The following ZFAT variants were observed in gnomAD, a reference collection of about 807,000 sequenced individuals.
ZFAT encodes zinc finger and AT-hook domain containing, also known as zinc finger protein ZFAT.
A neutral mutation model predicts 117.7 loss-of-function variants in ZFAT; 64 were observed. The ratio of observed to expected loss-of-function variants is 0.54; its 90% CI spans 0.44 to 0.67. ZFAT has a LOEUF of 0.67. Ranked by LOEUF, ZFAT falls within the 30% of genes least tolerant of loss-of-function variation. ZFAT has a pLI of 0.00. For synonymous variants in ZFAT, 679 were observed against 615.0 expected, an observed-to-expected ratio of 1.10 and a Z score of -1.54; for missense variants, 1,433 against 1,584.5, an observed-to-expected ratio of 0.90 and a Z score of 1.62.
At chr8:134,524,931 T>C (rs11989849) in intron 12 of ZFAT, among the ~76,000 whole-genome samples, 24,864 of 152,208 alleles carry the variant, frequency 0.16, 2,266 homozygotes, top group Admixed American at 0.29. Flanking sequence ...CATCAAGTCA[T>C]GGTTTCTTCA....
intron 3 of ZFAT, among the ~76,000 whole-genome samples, chr8:134,621,034 T>C (rs773330725): frequency 6.6e-6 from 1 of 152,032 alleles, no homozygotes; most frequent in South Asian, 2.1e-4. Context: ...TTTCATTGTA[T>C]TGAATGTTTA....
At chr8:134,778,550 T>C in the ZFAT span, among the ~76,000 whole-genome samples, 2 of 152,214 alleles carry the variant, frequency 1.3e-5, no homozygotes, top group South Asian at 4.1e-4. Context: ...TTACCAACCA[T>C]GGCCTGGCCC....
At chr8:134,565,145 C>G in intron 11 of ZFAT, 188 bp downstream of exon 11, 1 of 1,527,620 alleles carries the variant, frequency 6.5e-7, no homozygotes, top group Non-Finnish European at 8.8e-7. Flanking sequence ...CAGAGCAATG[C>G]TACGCTTCTG....
chr8:134,819,602 C>T, the ZFAT span, among the ~76,000 whole-genome samples: 7 of 147,866 alleles, frequency 4.7e-5, no homozygotes, highest in African/African-American at 1.7e-4. Flanking sequence ...TAATTAACTA[C>T]ACCTTCTCTG....
chr8:134,532,575 T>C (rs1450883602), intron 12 of ZFAT, among the ~76,000 whole-genome samples: 1 of 151,914 alleles, frequency 6.6e-6, no homozygotes. Flanking sequence ...TTGTGGAGGG[T>C]AGTAGAATTT....
chr8:134,670,002 A>G (rs188689800), intron 1 of ZFAT, among the ~76,000 whole-genome samples: 1 of 152,376 alleles, frequency 6.6e-6, no homozygotes, highest in East Asian at 1.9e-4. Flanking sequence ...AAAGAGACAA[A>G]GAAGGCCAGT....
chr8:134,817,275 T>C, the ZFAT span, among the ~76,000 whole-genome samples: 10 of 152,042 alleles, frequency 6.6e-5, no homozygotes, highest in African/African-American at 2.4e-4. Flanking sequence ...ATCTCAAGAC[T>C]GTAAGAGAAA....
chr8:134,645,763 G>GTGAATAACCCTA (rs1830850613), intron 2 of ZFAT, among the ~76,000 whole-genome samples: 1 of 152,166 alleles, frequency 6.6e-6, no homozygotes, highest in African/African-American at 2.4e-5. Context: ...GGAAATAGAT[G>GTGAATAACCCTA]TGAATAACCC....
chr8:134,775,498 T>A, the ZFAT span, among the ~76,000 whole-genome samples: 1 of 152,156 alleles, frequency 6.6e-6, no homozygotes, highest in Admixed American at 6.5e-5. Context: ...AATGGGGGAA[T>A]TAACAAGGAG....
chr8:134,759,755 CA>C, the ZFAT span, among the ~76,000 whole-genome samples: 451 of 152,076 alleles, frequency 3.0e-3, 1 homozygote, highest in Non-Finnish European at 4.8e-3. Context: ...GCAAGTAGAT[CA>C]CCTGAGGTCA....
chr8:134,687,522 T>C (rs1833380752), intron 1 of ZFAT, among the ~76,000 whole-genome samples: 2 of 152,186 alleles, frequency 1.3e-5, no homozygotes, highest in South Asian at 4.1e-4. Context: ...CTTTAAAATG[T>C]GGCCCTCAGG....
rs768901390 is a variant in ZFAT, at chr8:134,590,308, C to A, written c.2523G>T (p.Glu841Asp). 1 of 1,613,316 alleles carries A rather than the reference C, an allele frequency of 6.2e-7. No individual in the cohort carries two copies. Among genetic ancestry groups the A allele is most frequent in the Admixed American group, 1.7e-5 (1 of 60,010 alleles). ...SCPVCEKSFS[E>D]DRLIKSHIKT... ...TGATATGTGACTTTATCAATCGATC[C>A]TCTGAAAAAGACTTTTCACAAACAG... The change falls in exon 8 of 16, where the codon GAG (glutamate) becomes GAT (aspartate). Residue 841 changes from glutamate (E) to aspartate (D), a missense_variant. By Grantham distance (45) the Glu-to-Asp change is conservative (BLOSUM62 2). Around this residue, in one of 5 missense-constraint regions of ZFAT, gnomAD observed 503 missense variants for 543.4 expected, o/e 0.93. Transcript: ENST00000377838.
At chr8:134,738,135 T>C in the ZFAT span, among the ~76,000 whole-genome samples, 1 of 152,198 alleles carries the variant, frequency 6.6e-6, no homozygotes, top group Admixed American at 6.5e-5. Flanking sequence ...GTGTTACTTT[T>C]TGTGTTGATG....
the ZFAT span, among the ~76,000 whole-genome samples, chr8:134,774,276 C>T: frequency 7.2e-5 from 11 of 152,210 alleles, no homozygotes; most frequent in South Asian, 1.5e-3. Context: ...GGATTACAGG[C>T]GTGAGACACT....
At chr8:134,736,664 C>T in the ZFAT span, among the ~76,000 whole-genome samples, 1 of 152,092 alleles carries the variant, frequency 6.6e-6, no homozygotes, top group African/African-American at 2.4e-5. Flanking sequence ...GGTGCAATCA[C>T]AACTCACTGC....
intron 1 of ZFAT, among the ~76,000 whole-genome samples, chr8:134,691,985 G>A (rs1017793745): frequency 9.9e-5 from 15 of 152,182 alleles, no homozygotes; most frequent in African/African-American, 3.6e-4. Flanking sequence ...AGCCTCCCAA[G>A]TAGCTGGGAT....
intron 1 of ZFAT, among the ~76,000 whole-genome samples, chr8:134,671,858 T>C (rs971120697): frequency 1.4e-4 from 22 of 152,296 alleles, no homozygotes; most frequent in Non-Finnish European, 2.4e-4. Flanking sequence ...GAAAACCCCA[T>C]TGTCTCAGCC....
At chr8:134,644,511 TACAC>T (rs1339049026) in intron 2 of ZFAT, among the ~76,000 whole-genome samples, 2 of 151,062 alleles carry the variant, frequency 1.3e-5, no homozygotes, top group African/African-American at 4.9e-5. Flanking sequence ...TACACAATCA[TACAC>T]ACATACACAA....
the ZFAT span, among the ~76,000 whole-genome samples, chr8:134,811,878 T>C: frequency 6.6e-6 from 1 of 152,346 alleles, no homozygotes; most frequent in Middle Eastern, 3.4e-3. Context: ...AAAATACCTA[T>C]CTTGCCTGTG....
Sources: gnomAD v4.1 joint callset for allele counts (sites outside exome capture counted in the v4.1 genomes callset) on GRCh38, gnomAD v4.1.1 for gene constraint, gnomAD v4.1.1 regional missense constraint, MANE v1.5 for transcripts, NCBI Gene and HGNC (gene_info 2026-07-23, HGNC 2026-07-21) for gene names.